The following TDRD12 variants were observed in gnomAD, a reference collection of about 807,000 sequenced individuals.
TDRD12 encodes the protein tudor domain containing 12.
TDRD12 carries 158 observed loss-of-function variants against 133.5 expected under a neutral mutation model. The ratio of observed to expected loss-of-function variants is 1.18; its 90% CI spans 1.04 to 1.35. The LOEUF (loss-of-function observed/expected upper bound fraction) is 1.35. Ranked by LOEUF, TDRD12 falls within the 40% of genes most tolerant of loss-of-function variation. The pLI is 0.00. For synonymous variants in TDRD12, 460 were observed against 477.9 expected (o/e 0.96, Z 0.49); for missense variants, 1,443 against 1,321.3 (o/e 1.09, Z -1.43).
At chr19:32,765,639 C>CA (rs974374081) in intron 8 of TDRD12, among the ~76,000 whole-genome samples, 40 of 139,228 alleles carry the variant, frequency 2.9e-4, no homozygotes, top group African/African-American at 1.0e-3. Context: ...ATCGCAAGGA[C>CA]AAAAAACCAA....
At position 32,720,071 on chromosome 19, in the gene TDRD12, G is replaced by T. The variant is rs1968572917; in HGVS notation, c.-2G>T. On this transcript the variant is annotated 5_prime_UTR_variant, in exon 1 of 28. It adds an upstream start codon to the 5' untranslated region. Transcript: ENST00000444215. ...GCCCATCTGCCCTCGGGCGCCAGGA[G>T]GATGCTCCAGCTCCTGGTGCTGAAG... 2 of 1,548,406 alleles carry T rather than the reference G, an allele frequency of 1.3e-6. No homozygotes were observed. Among genetic ancestry groups the T allele is most frequent in the South Asian group, 2.4e-5 (2 of 84,024 alleles).
chr19:32,816,979 A>T (rs1034427193), intron 26 of TDRD12, among the ~76,000 whole-genome samples: 1 of 152,094 alleles, frequency 6.6e-6, no homozygotes, highest in African/African-American at 2.4e-5. Context: ...CCCACCAGAG[A>T]GGGGAATGAG....
intron 21 of TDRD12, among the ~76,000 whole-genome samples, chr19:32,805,164 A>G (rs1185136801): frequency 7.7e-6 from 1 of 129,572 alleles, no homozygotes; most frequent in African/African-American, 2.9e-5. Flanking sequence ...TATATATGTT[A>G]TATATTATAT....
rs758871426 is a variant in TDRD12 at position 32,742,800 on chromosome 19, TC to T, written c.341del (p.Ser114CysfsTer51). 3.5e-5 allele frequency: 54 copies of T among 1,551,834 alleles called. No homozygotes were observed. The highest frequency in any genetic ancestry group is 4.6e-5 in the Non-Finnish European group (53 of 1,147,018). On this transcript the variant is annotated frameshift_variant, in exon 4 of 28. Coordinates refer to ENST00000444215, the Ensembl canonical transcript of TDRD12. LOFTEE classifies it high-confidence loss of function. ...TTTTAGCATCCGAGTTGTAGTAGAATCGTTTATGCAGCTTCCCTATAGAGCA... is the reference window on the plus strand; with the variant it reads ...TTTTAGCATCCGAGTTGTAGTAGAATGTTTATGCAGCTTCCCTATAGAGCA...
chr19:32,766,846 C>T (rs1438631269), intron 8 of TDRD12, among the ~76,000 whole-genome samples: 3 of 151,960 alleles, frequency 2.0e-5, no homozygotes, highest in Non-Finnish European at 4.4e-5. Context: ...AACTCCTGAC[C>T]TTAAGTGATC....
At chr19:32,738,762 G>A in intron 2 of TDRD12, 94 bp from the exon 3 acceptor site, 2 of 1,320,654 alleles carry the variant, frequency 1.5e-6, no homozygotes, top group South Asian at 1.5e-5. Flanking sequence ...GCAGTGAGCT[G>A]AGATTGTGCC....
intron 26 of TDRD12, among the ~76,000 whole-genome samples, chr19:32,817,408 C>T (rs949223519): frequency 2.0e-5 from 3 of 152,098 alleles, no homozygotes. Context: ...GTGTAAGGTC[C>T]TCAAGGTCCA....
At chr19:32,770,089 C>T (rs1402625558) in intron 8 of TDRD12, among the ~76,000 whole-genome samples, 1 of 151,784 alleles carries the variant, frequency 6.6e-6, no homozygotes, top group Non-Finnish European at 1.5e-5. Context: ...TGACTGCAGC[C>T]TCTGCCTCCC....
At chr19:32,818,921 T>C (rs1218600215) in intron 27 of TDRD12, among the ~76,000 whole-genome samples, 1 of 151,262 alleles carries the variant, frequency 6.6e-6, no homozygotes, top group African/African-American at 2.5e-5. Context: ...ACTTGCTGGG[T>C]TAGTGGCCTG....
At chr19:32,772,764 A>G in exon 9 of TDRD12, 2 of 1,507,518 alleles carry the variant, frequency 1.3e-6, no homozygotes, top group East Asian at 2.6e-5. Flanking sequence ...CAAAGCTGTA[A>G]AATGTAATAT....
intron 10 of TDRD12, among the ~76,000 whole-genome samples, chr19:32,773,799 A>T (rs938551580): frequency 6.6e-6 from 1 of 152,174 alleles, no homozygotes; most frequent in African/African-American, 2.4e-5. Context: ...AAAATAGTCC[A>T]TTTTCAAAGA....
chr19:32,789,303 A>T (rs549610907), intron 11 of TDRD12, among the ~76,000 whole-genome samples: 3 of 152,318 alleles, frequency 2.0e-5, no homozygotes, highest in East Asian at 1.9e-4. Flanking sequence ...TCTCTAAAAC[A>T]TAGCTTTTTT....
chr19:32,747,904 A>G (rs1022912004), intron 4 of TDRD12, among the ~76,000 whole-genome samples: 1 of 151,928 alleles, frequency 6.6e-6, no homozygotes, highest in Non-Finnish European at 1.5e-5. Flanking sequence ...AGTCCTAGCT[A>G]CTCAGGAGGC....
intron 6 of TDRD12, among the ~76,000 whole-genome samples, chr19:32,755,193 T>C (rs530088651): frequency 3.0e-4 from 45 of 152,362 alleles, no homozygotes; most frequent in Non-Finnish European, 4.6e-4. Context: ...GTTGTGGCCA[T>C]AGGCCCCTTA....
intron 8 of TDRD12, among the ~76,000 whole-genome samples, chr19:32,772,529 A>G (rs1333970568): frequency 2.0e-5 from 3 of 152,252 alleles, no homozygotes; most frequent in Admixed American, 1.3e-4. Flanking sequence ...ATTAGCTGGT[A>G]TGGGAATTTT....
chr19:32,738,818 A>C, intron 2 of TDRD12, 38 bp from the exon 3 acceptor site: 1 of 1,543,242 alleles, frequency 6.5e-7, no homozygotes, highest in Non-Finnish European at 8.7e-7. Context: ...GTCTCAAAAA[A>C]ATAAATAAAT....
exon 10 of TDRD12, chr19:32,827,885 A>G (rs1967644778): frequency 6.6e-6 from 1 of 152,222 alleles, no homozygotes; most frequent in Non-Finnish European, 1.5e-5. Context: ...TCACCCTGGC[A>G]GAGCAGACAT....
chr19:32,738,648 T>A lies in TDRD12; in HGVS notation c.184-208T>A, dbSNP rs533209042. ...ATCCAACATGGTGAAACCCCATCTC[T>A]ACTAAAATACAAAAATTAGCCAGGC... On this transcript the variant is annotated intron_variant, in intron 2 of 27. Coordinates refer to ENST00000444215, the Ensembl canonical transcript of TDRD12. 4.6e-5 allele frequency among the ~76,000 whole-genome samples: 7 copies of A among 152,256 alleles called. No homozygotes were observed. In the South Asian group the frequency reaches 1.5e-3, roughly 32 times the overall value.
chr19:32,827,213 CAGT>C, exon 10 of TDRD12: 4 of 1,231,924 alleles, frequency 3.2e-6, no homozygotes, highest in Non-Finnish European at 4.0e-6. Context: ...TGGTTGAAGA[CAGT>C]AGCAGCACTT....
Sources: gnomAD v4.1 joint callset for allele counts (sites outside exome capture counted in the v4.1 genomes callset) on GRCh38, gnomAD v4.1.1 for gene constraint, MANE v1.5 for transcripts, NCBI Gene and HGNC (gene_info 2026-07-23, HGNC 2026-07-21) for gene names.